CASP8: variants seen among roughly 807,000 people sequenced by gnomAD.
CASP8 encodes the protein caspase-8.
CASP8 carries 24 observed loss-of-function variants against 46.3 expected under a neutral mutation model. The observed-to-expected ratio is 0.52, with a 90% CI of 0.38 to 0.73. The LOEUF is 0.73. CASP8 is among the 30% of genes least tolerant of loss of function. The probability of loss-of-function intolerance (pLI) is 0.00; values close to 1 mark genes in which losing one functional copy is unlikely to be tolerated. For synonymous variants in CASP8, 188 were observed against 200.4 expected (o/e 0.94, Z 0.52); for missense variants, 460 against 559.0 (o/e 0.82, Z 1.79).
chr2:201,274,721 C>A (rs527596827), intron 5 of CASP8, among the ~76,000 whole-genome samples, 168 bp from the exon 6 acceptor site: 97 of 152,332 alleles, frequency 6.4e-4, no homozygotes, highest in Admixed American at 1.2e-3. Context: ...AAGTGATCTG[C>A]CCATCTTGGC....
At chr2:201,265,444 G>T (rs35813708) in intron 1 of CASP8, among the ~76,000 whole-genome samples, 6,073 of 152,018 alleles carry the variant, frequency 0.04, 204 homozygotes, top group South Asian at 0.13. Flanking sequence ...AAGCTATGAG[G>T]ATGCAAAGAC....
chr2:201,269,457 A>G (rs1322894191), intron 2 of CASP8: 5 of 1,289,410 alleles, frequency 3.9e-6, no homozygotes, highest in Non-Finnish European at 4.5e-6. Context: ...GCCCCAGAAC[A>G]AGGAAAGCCG....
In CASP8 at chr2:201,273,662, T is replaced by G. The variant is rs13030042; in HGVS notation, c.595+720T>G. Among the ~76,000 whole-genome samples the G allele has an allele frequency of 3.6e-4, 55 of 152,030 alleles. 1 individual carries two copies. In the South Asian group the frequency reaches 5.2e-3, roughly 14 times the overall value. ...GCTCTCAACGATCTCCTTCAAAATT[T>G]TGATTAATCAAATAGTCTTTTTTTT... On this transcript the variant is annotated intron_variant, in intron 5 of 8. Transcript: ENST00000673742.
upstream of CASP8, chr2:201,258,106 T>C (rs1947113643): frequency 9.2e-7 from 1 of 1,081,728 alleles, no homozygotes; most frequent in Admixed American, 1.8e-5. Flanking sequence ...TTTCTCTTTC[T>C]CTCGGAGACC....
chr2:201,272,605 C>A lies in CASP8; in HGVS notation c.412-33C>A, dbSNP rs2125252787. Reference sequence around the variant, plus strand: ...AATCTAAAAACCAGTAGGGCTCAATCCAGATTCCCAACTTTATTTCTCCTC... The same window carrying A: ...AATCTAAAAACCAGTAGGGCTCAATACAGATTCCCAACTTTATTTCTCCTC... On this transcript the variant is annotated intron_variant, in intron 3 of 8. Coordinates refer to ENST00000673742, the MANE Select transcript of CASP8 (RefSeq NM_001372051.1). The surrounding 1 kb of genome is among the most constrained non-coding windows in gnomAD (Gnocchi z 4.4). The A allele has an allele frequency of 6.2e-7, 1 of 1,613,078 alleles. No individual in the cohort carries two copies.
chr2:201,258,085 T>C, upstream of CASP8: 1 of 846,386 alleles, frequency 1.2e-6, no homozygotes, highest in Non-Finnish European at 2.0e-6. Context: ...CAGTTCCTTC[T>C]GTGGTGAAGT....
chr2:201,237,391 C>G (rs1016541299), intron 2 of CASP8, among the ~76,000 whole-genome samples: 1 of 148,284 alleles, frequency 6.7e-6, no homozygotes, highest in African/African-American at 2.5e-5. Flanking sequence ...TTGTCCAGAC[C>G]CTTTTCTCTA....
intron 7 of CASP8, chr2:201,281,780 T>C (rs1398831656): frequency 9.3e-6 from 11 of 1,183,142 alleles, no homozygotes; most frequent in Admixed American, 6.6e-5. Flanking sequence ...TAAACTAGTT[T>C]ACTAGAGAAA....
At chr2:201,241,435 A>T (rs759617787) in intron 2 of CASP8, 1 of 152,174 alleles carries the variant, frequency 6.6e-6, no homozygotes, top group African/African-American at 2.4e-5. Context: ...TATTCCAACA[A>T]ACTGGATAAT....
intron 2 of CASP8, among the ~76,000 whole-genome samples, chr2:201,250,686 G>C (rs1946738729): frequency 6.6e-6 from 1 of 152,170 alleles, no homozygotes; most frequent in African/African-American, 2.4e-5. Flanking sequence ...AATTACAACT[G>C]GACATGAGTT....
Position 201,272,872 on chromosome 2 carries a change from G to A in CASP8, c.551-26G>A. 3 of 1,614,038 alleles carry A rather than the reference G, an allele frequency of 1.9e-6. No homozygotes were observed. Among genetic ancestry groups the A allele is most frequent in the Non-Finnish European group, 2.5e-6 (3 of 1,179,914 alleles). On this transcript the variant is annotated intron_variant, in intron 4 of 8. Coordinates refer to ENST00000673742, the MANE Select transcript of CASP8 (RefSeq NM_001372051.1). This position sits in a 1 kb window ranked among gnomAD's most constrained non-coding sequence, Gnocchi z 4.4. ...TCACAGTTGTTTCTAATCAAATATT[G>A]TTTGGGGTTTCCCCTTTTAATTCAG...
intron 7 of CASP8, among the ~76,000 whole-genome samples, chr2:201,282,718 TG>T (rs1949169095): frequency 1.5e-5 from 1 of 66,704 alleles, no homozygotes; most frequent in African/African-American, 5.7e-5. Flanking sequence ...CCCTCCCGGA[TG>T]GGGCGGCTGG....
chr2:201,242,926 G>A (rs1220149180), intron 2 of CASP8: 1 of 154,444 alleles, frequency 6.5e-6, no homozygotes, highest in Admixed American at 6.5e-5. Context: ...TATAATATAA[G>A]ACAACATGGA....
intron 2 of CASP8, among the ~76,000 whole-genome samples, chr2:201,235,136 T>TA (rs1300470413): frequency 6.6e-6 from 1 of 152,196 alleles, no homozygotes; most frequent in Non-Finnish European, 1.5e-5. Flanking sequence ...GAAGGGAACA[T>TA]AAAAATCTTA....
chr2:201,275,815 A>G (rs1189383084), intron 6 of CASP8, among the ~76,000 whole-genome samples: 1 of 152,124 alleles, frequency 6.6e-6, no homozygotes, highest in Non-Finnish European at 1.5e-5. Context: ...GCCTCAAGCA[A>G]TCCTCCTGCC....
Position 201,284,829 on chromosome 2 carries a change from G to A in CASP8, c.816G>A (p.Thr272=), listed in dbSNP as rs757244692. ...TTCACTTTTCAGGGGCTTTGACCAC[G>A]ACCTTTGAAGAGCTTCATTTTGAGA... ...GTHLDAGALT[T]TFEELHFEIK... is the part of the protein sequence containing the mutation. Residue 272 remains threonine, a synonymous_variant, in exon 8 of 9, where the codon ACG becomes ACA. Transcript: ENST00000673742. 6.2e-7 allele frequency: 1 copy of A among 1,613,904 alleles called. No homozygotes were observed. The highest frequency in any genetic ancestry group is 2.2e-5 in the East Asian group (1 of 44,854).
At chr2:201,285,940 T>C (rs1949536426) in intron 8 of CASP8, among the ~76,000 whole-genome samples, 2 of 152,354 alleles carry the variant, frequency 1.3e-5, no homozygotes, top group African/African-American at 2.4e-5. Flanking sequence ...ACTTAGATCA[T>C]GAATCCTGCA....
chr2:201,284,500 C>T (rs1949414516), intron 7 of CASP8, among the ~76,000 whole-genome samples: 1 of 58,764 alleles, frequency 1.7e-5, no homozygotes, highest in African/African-American at 6.3e-5. Flanking sequence ...ACAGCGAAAC[C>T]CCATCTCCAC....
chr2:201,260,614 G>C lies in CASP8; in HGVS notation c.-27+1G>C, dbSNP rs1947319768. The C allele has an allele frequency of 1.0e-6, 1 of 969,042 alleles. No individual in the cohort carries two copies. The highest frequency in any genetic ancestry group is 6.2e-5 in the Admixed American group (1 of 16,254). 60.0% of individuals were successfully genotyped at this position (969,042 alleles called of 1,614,324 possible). Reference sequence around the variant, plus strand: ...AAGGTGCTACCATCGTGAGAGTAAGGTAAGGATTTGCCTCTTTGTTAAGGT... The same window carrying C: ...AAGGTGCTACCATCGTGAGAGTAAGCTAAGGATTTGCCTCTTTGTTAAGGT... On this transcript the variant is annotated splice_donor_variant, in intron 1 of 8. Coordinates refer to ENST00000673742, the MANE Select transcript of CASP8 (RefSeq NM_001372051.1). LOFTEE classifies it low-confidence loss of function (5UTR_SPLICE).
Sources: gnomAD v4.1 joint callset for allele counts (sites outside exome capture counted in the v4.1 genomes callset) on GRCh38, gnomAD v4.1.1 for gene constraint, Gnocchi (gnomAD v3.1) non-coding constraint, MANE v1.5 for transcripts, NCBI Gene and HGNC (gene_info 2026-07-23, HGNC 2026-07-21) for gene names.